ARHGAP42: variants seen among roughly 807,000 people sequenced by gnomAD.
ARHGAP42 encodes rho GTPase-activating protein 42.
ARHGAP42 carries 63 observed loss-of-function variants against 125.0 expected under a neutral mutation model. The ratio of observed to expected loss-of-function variants is 0.50; its 90% CI spans 0.41 to 0.62. ARHGAP42 has a LOEUF of 0.62. Ranked by LOEUF, ARHGAP42 falls within the 20% of genes least tolerant of loss-of-function variation. The pLI is 0.00. For synonymous variants in ARHGAP42, 339 were observed against 351.0 expected, an observed-to-expected ratio of 0.97 and a Z score of 0.38; for missense variants, 766 against 1,024.2, an observed-to-expected ratio of 0.75 and a Z score of 3.44.
Position 100,933,234 on chromosome 11 carries a change from C to A in ARHGAP42, c.676C>A (p.Gln226Lys). The A allele has an allele frequency of 6.4e-7, 1 of 1,550,394 alleles. No individual in the cohort carries two copies. The highest frequency in any genetic ancestry group is 8.7e-7 in the Non-Finnish European group (1 of 1,146,140). Residue 226 changes from glutamine (Q) to lysine (K), a missense_variant, in exon 7 of 24, where the codon CAA (glutamine) becomes AAA (lysine). By Grantham distance (53) the Gln-to-Lys change is moderately conservative. Around this residue, in one of 3 missense-constraint regions of ARHGAP42, gnomAD observed 455 missense variants for 636.5 expected, o/e 0.71. Transcript: ENST00000298815. ...TGCCCAGGAATTTGCACCGTATAAG[C>A]AACAGCTGCAGTTCAACTTGCAGAA... Reference protein sequence around the residue: ...ELAQEFAPYKQQLQFNLQNTR... With the variant: ...ELAQEFAPYKKQLQFNLQNTR...
chr11:100,786,823 T>G (rs1286760301), intron 2 of ARHGAP42, among the ~76,000 whole-genome samples: 2 of 152,158 alleles, frequency 1.3e-5, no homozygotes, highest in Non-Finnish European at 2.9e-5. Context: ...TTTCTTTGTT[T>G]TGAGTCTAGC....
intron 21 of ARHGAP42, 141 bp downstream of exon 21, chr11:100,977,112 A>T: frequency 1.0e-6 from 1 of 954,124 alleles, no homozygotes; most frequent in Non-Finnish European, 1.5e-6. Context: ...CCACTTCTGT[A>T]AGACTCTATT....
In ARHGAP42 at chr11:100,903,125, A is replaced by G. The variant is rs891945187; in HGVS notation, c.385-10327A>G. 8.6e-5 allele frequency among the ~76,000 whole-genome samples: 13 copies of G among 150,844 alleles called. No homozygotes were observed. In the East Asian group the frequency reaches 2.0e-3, roughly 23 times the overall value. On this transcript the variant is annotated intron_variant, in intron 4 of 23. Transcript: ENST00000298815. The stretch of plus-strand genomic sequence containing the variant: ...CTTGCTGTCCAAGATGCGCACACAC[A>G]CACACACACACACACACACACACAC...
At chr11:100,904,217 C>T (rs1866655191) in intron 4 of ARHGAP42, among the ~76,000 whole-genome samples, 1 of 151,904 alleles carries the variant, frequency 6.6e-6, no homozygotes, top group South Asian at 2.1e-4. Context: ...AAATATCGAA[C>T]ACCCCCTCTA....
intron 1 of ARHGAP42, among the ~76,000 whole-genome samples, chr11:100,730,879 G>A (rs1861945368): frequency 6.6e-6 from 1 of 152,180 alleles, no homozygotes. Context: ...GTAGATGGCT[G>A]TAACACAATG....
At chr11:100,758,725 A>C (rs75488532) in intron 1 of ARHGAP42, among the ~76,000 whole-genome samples, 1 of 152,192 alleles carries the variant, frequency 6.6e-6, no homozygotes, top group Admixed American at 6.5e-5. Flanking sequence ...CTCTACATGC[A>C]TGATTTCATT....
chr11:100,917,542 T>A (rs1200116538), intron 5 of ARHGAP42, among the ~76,000 whole-genome samples: 1 of 152,134 alleles, frequency 6.6e-6, no homozygotes, highest in Non-Finnish European at 1.5e-5. Flanking sequence ...AAATTATCTG[T>A]TAATGCTAGT....
Position 100,863,339 on chromosome 11 carries a change from G to A in ARHGAP42, c.384+3714G>A, listed in dbSNP as rs1259500377. ...CTGGAAGGGAGGGCCGTTGATTAAA[G>A]GTAGAATCTTCCACTGCAGTCAGCG... On this transcript the variant is annotated intron_variant, in intron 4 of 23. Transcript: ENST00000298815. 1.2e-4 allele frequency among the ~76,000 whole-genome samples: 19 copies of A among 152,180 alleles called. 1 individual carries two copies. The highest frequency in any genetic ancestry group is 1.2e-3 in the Admixed American group (18 of 15,278).
Position 100,975,980 on chromosome 11 carries a change from G to A in ARHGAP42, c.1856-77G>A, listed in dbSNP as rs1858379461. On this transcript the variant is annotated intron_variant, in intron 19 of 23. Transcript: ENST00000298815. ...GCCGCAGAACACATGGTAAGTTGGA[G>A]AACAGAAGGGTTTTGGTGATGCTGT... 3 of 1,424,544 alleles carry A rather than the reference G, an allele frequency of 2.1e-6. No homozygotes were observed. The South Asian group carries it at 4.7e-5, about 22-fold the overall frequency. The allele number at this position is 1,424,544 out of a possible 1,614,324, so 88.2% of individuals were successfully genotyped here.
chr11:100,823,608 T>C lies in ARHGAP42; in HGVS notation c.312+28442T>C, dbSNP rs114995733. The stretch of plus-strand genomic sequence containing the variant: ...CAAAACATCCAAATCACCAATTTAA[T>C]CCAAGTATTACTAGAGGGAATATTT... On this transcript the variant is annotated intron_variant, in intron 3 of 23. Coordinates refer to ENST00000298815, the MANE Select transcript of ARHGAP42 (RefSeq NM_152432.4). Among the ~76,000 whole-genome samples the C allele has an allele frequency of 9.6e-3, 1,462 of 152,258 alleles. 19 individuals are homozygous for C. Among genetic ancestry groups the C allele is most frequent in the African/African-American group, 0.033 (1,388 of 41,536 alleles).
At chr11:100,752,109 A>C (rs1247300290) in intron 1 of ARHGAP42, among the ~76,000 whole-genome samples, 1 of 151,990 alleles carries the variant, frequency 6.6e-6, no homozygotes, top group Admixed American at 6.6e-5. Context: ...ATCTGCAGAA[A>C]TGTTGATGTT....
intron 8 of ARHGAP42, among the ~76,000 whole-genome samples, chr11:100,938,428 G>A (rs1187948511): frequency 6.6e-6 from 1 of 151,994 alleles, no homozygotes; most frequent in African/African-American, 2.4e-5. Context: ...CACTCTCTTT[G>A]TTGATATTTT....
At chr11:100,965,583 G>T (rs1858069694) in intron 16 of ARHGAP42, 88 bp from the exon 17 acceptor site, 10 of 1,054,062 alleles carry the variant, frequency 9.5e-6, no homozygotes, top group Non-Finnish European at 1.4e-5. Context: ...AGGGGTAGGA[G>T]TGGTAATTGT....
intron 3 of ARHGAP42, among the ~76,000 whole-genome samples, chr11:100,808,695 G>A (rs1864064193): frequency 6.6e-6 from 1 of 152,118 alleles, no homozygotes. Flanking sequence ...GTGAGCCACC[G>A]CGCCCGGCCA....
At chr11:100,843,105 G>C (rs1484057522) in intron 3 of ARHGAP42, among the ~76,000 whole-genome samples, 4 of 151,890 alleles carry the variant, frequency 2.6e-5, no homozygotes, top group Non-Finnish European at 5.9e-5. Context: ...AAAATCCAAA[G>C]AAGCTCAAAT....
chr11:100,871,545 T>TTA (rs533181616), intron 4 of ARHGAP42, among the ~76,000 whole-genome samples: 1 of 127,782 alleles, frequency 7.8e-6, no homozygotes, highest in African/African-American at 3.0e-5. Flanking sequence ...GACTGTTTCT[T>TTA]AAAAAAAAAA....
intron 8 of ARHGAP42, among the ~76,000 whole-genome samples, chr11:100,939,580 A>C (rs901316482): frequency 2.6e-5 from 4 of 152,184 alleles, no homozygotes; most frequent in Non-Finnish European, 5.9e-5. Context: ...ATGGGCACTT[A>C]GTAGGTATTC....
At chr11:100,948,602 T>G (rs1323915936) in intron 11 of ARHGAP42, 67 bp downstream of exon 11, 13 of 1,258,572 alleles carry the variant, frequency 1.0e-5, no homozygotes, top group Non-Finnish European at 1.1e-5. Context: ...ATGGAAATTC[T>G]TTTCATAGTA....
intron 4 of ARHGAP42, among the ~76,000 whole-genome samples, chr11:100,911,021 A>T (rs933325067): frequency 6.6e-6 from 1 of 152,160 alleles, no homozygotes; most frequent in Non-Finnish European, 1.5e-5. Context: ...AAGTGTTGTC[A>T]CCACAGCTGT....
Sources: gnomAD v4.1 joint callset for allele counts (sites outside exome capture counted in the v4.1 genomes callset) on GRCh38, gnomAD v4.1.1 for gene constraint, gnomAD v4.1.1 regional missense constraint, MANE v1.5 for transcripts, NCBI Gene and HGNC (gene_info 2026-07-23, HGNC 2026-07-21) for gene names.